The following MAGI3 variants were observed in gnomAD, a reference collection of about 807,000 sequenced individuals.
The protein encoded by MAGI3 is membrane-associated guanylate kinase, WW and PDZ domain-containing protein 3.
MAGI3 carries 43 observed loss-of-function variants against 121.8 expected under a neutral mutation model. That is an observed-to-expected ratio of 0.35 (90% confidence interval 0.28 to 0.46). The LOEUF (loss-of-function observed/expected upper bound fraction) is 0.46, where lower values mean the gene tolerates loss of function less well. Among genes scored for constraint, MAGI3 ranks in the 20% least tolerant of loss-of-function variants. The probability of loss-of-function intolerance (pLI) is 1.00; values close to 1 mark genes in which losing one functional copy is unlikely to be tolerated. For synonymous variants in MAGI3, 553 were observed against 639.3 expected (o/e 0.86, Z 2.04); for missense variants, 1,547 against 1,797.3 (o/e 0.86, Z 2.52).
intron 1 of MAGI3, among the ~76,000 whole-genome samples, chr1:113,546,849 G>A (rs12725741): frequency 2.0e-5 from 3 of 151,582 alleles, no homozygotes; most frequent in Non-Finnish European, 4.4e-5. Flanking sequence ...TTGGGAGGCC[G>A]AGGTGGGCAG....
intron 1 of MAGI3, among the ~76,000 whole-genome samples, chr1:113,487,208 G>A (rs1425941465): frequency 6.6e-6 from 1 of 152,164 alleles, no homozygotes; most frequent in Non-Finnish European, 1.5e-5. Flanking sequence ...ACAAATAAAT[G>A]CATGAAAGTA....
At chr1:113,604,301 G>A (rs1485911241) in intron 6 of MAGI3, among the ~76,000 whole-genome samples, 1 of 152,070 alleles carries the variant, frequency 6.6e-6, no homozygotes, top group Non-Finnish European at 1.5e-5. Context: ...AGGTGCATTG[G>A]CTCATGCCTG....
Position 113,489,171 on chromosome 1 carries a change from C to T in MAGI3, c.317-60344C>T, listed in dbSNP as rs185781177. Among the ~76,000 whole-genome samples, 851 of 147,888 alleles carry T rather than the reference C, an allele frequency of 5.8e-3. 7 individuals carry two copies. The highest frequency in any genetic ancestry group is 8.7e-3 in the Non-Finnish European group (580 of 66,906). On this transcript the variant is annotated intron_variant, in intron 1 of 20. Coordinates refer to ENST00000307546, the MANE Select transcript of MAGI3 (RefSeq NM_001142782.2). Reference sequence around the variant, plus strand: ...CCAGCGGTCTGGGAACACCTTAGGCCCCCCCCGACCCCAGCACAGTGGATT... The same window carrying T: ...CCAGCGGTCTGGGAACACCTTAGGCTCCCCCCGACCCCAGCACAGTGGATT...
chr1:113,445,572 C>A (rs1654139232), intron 1 of MAGI3, among the ~76,000 whole-genome samples: 1 of 152,076 alleles, frequency 6.6e-6, no homozygotes, highest in Non-Finnish European at 1.5e-5. Flanking sequence ...CCACCACACT[C>A]CAGCCTAGGC....
intron 1 of MAGI3, among the ~76,000 whole-genome samples, chr1:113,441,154 T>C (rs1049686411): frequency 1.3e-5 from 2 of 152,174 alleles, no homozygotes; most frequent in African/African-American, 4.8e-5. Context: ...AAGATGATAG[T>C]ATTCTTAAGG....
intron 1 of MAGI3, among the ~76,000 whole-genome samples, chr1:113,484,168 T>A (rs1274962643): frequency 1.3e-5 from 2 of 152,200 alleles, no homozygotes; most frequent in Admixed American, 1.3e-4. Context: ...TATGGGAAAC[T>A]GTGGCAAATT....
At chr1:113,454,492 C>A (rs1036324899) in intron 1 of MAGI3, among the ~76,000 whole-genome samples, 47 of 152,048 alleles carry the variant, frequency 3.1e-4, no homozygotes, top group Non-Finnish European at 5.3e-4. Context: ...CACAGAATTT[C>A]TTTTATTTAT....
At chr1:113,633,384 C>T (rs1467123409) in intron 9 of MAGI3, among the ~76,000 whole-genome samples, 2 of 149,366 alleles carry the variant, frequency 1.3e-5, no homozygotes, top group African/African-American at 4.9e-5. Flanking sequence ...GCCTCAGCCT[C>T]CCAAGTAGCT....
Position 113,413,370 on chromosome 1 carries a change from T to G in MAGI3, c.316+22021T>G, listed in dbSNP as rs1052668179. On this transcript the variant is annotated intron_variant, in intron 1 of 20. Coordinates refer to ENST00000307546, the MANE Select transcript of MAGI3 (RefSeq NM_001142782.2). ...TGTCTTGGCAATGCGGGCTCTTTTTTGGTTCCATATAAACTTTAAAGTAGT... is the reference window on the plus strand; with the variant it reads ...TGTCTTGGCAATGCGGGCTCTTTTTGGGTTCCATATAAACTTTAAAGTAGT... Among the ~76,000 whole-genome samples the G allele has an allele frequency of 2.6e-4, 39 of 152,236 alleles. 1 individual carries two copies. Among genetic ancestry groups the G allele is most frequent in the Non-Finnish European group, 1.0e-4 (7 of 68,044 alleles).
At position 113,683,729 on chromosome 1, in the gene MAGI3, A is replaced by G; in HGVS notation, c.4161A>G (p.Lys1387=). The G allele has an allele frequency of 6.3e-7, 1 of 1,599,148 alleles. No homozygotes were observed. The highest frequency in any genetic ancestry group is 1.1e-5 in the South Asian group (1 of 88,584). Residue 1387 remains lysine (K), a synonymous_variant, in exon 21 of 21, where the codon AAA becomes AAG. Transcript: ENST00000307546. ...TATCTGAAAATGAAAAAGGAAAGAA[A>G]GTAACCACAGGAGAAACAAGTTCTA... ...KEVSENEKGK[K]VTTGETSSSN...
intron 11 of MAGI3, among the ~76,000 whole-genome samples, chr1:113,645,493 A>C (rs920166871): frequency 2.6e-5 from 4 of 152,216 alleles, no homozygotes; most frequent in African/African-American, 9.7e-5. Flanking sequence ...ATGCCACTGC[A>C]GTCGCAGTGG....
intron 1 of MAGI3, among the ~76,000 whole-genome samples, chr1:113,446,178 A>T (rs1034216766): frequency 5.9e-5 from 9 of 152,152 alleles, no homozygotes; most frequent in African/African-American, 2.2e-4. Context: ...TAAAATAATT[A>T]TTAGTTTTTG....
At chr1:113,537,902 A>C (rs954991869) in intron 1 of MAGI3, among the ~76,000 whole-genome samples, 2 of 152,184 alleles carry the variant, frequency 1.3e-5, no homozygotes, top group African/African-American at 4.8e-5. Flanking sequence ...AGAGATTAGA[A>C]ATGGAAATTG....
chr1:113,512,593 T>C (rs1339349088), intron 1 of MAGI3, among the ~76,000 whole-genome samples: 1 of 152,206 alleles, frequency 6.6e-6, no homozygotes, highest in Non-Finnish European at 1.5e-5. Context: ...TGCTGACTGA[T>C]GAGGCAAAAC....
chr1:113,416,411 A>T (rs1347051283), intron 1 of MAGI3, among the ~76,000 whole-genome samples: 71 of 27,734 alleles, frequency 2.6e-3, no homozygotes, highest in Non-Finnish European at 4.3e-3. Flanking sequence ...ATTAATTAAT[A>T]ATTAATAATT....
chr1:113,535,978 C>T (rs1353459967), intron 1 of MAGI3, among the ~76,000 whole-genome samples: 1 of 152,032 alleles, frequency 6.6e-6, no homozygotes, highest in Non-Finnish European at 1.5e-5. Context: ...CCTGGTTTCT[C>T]AAATGAGAAA....
At chr1:113,484,950 T>G (rs1656309846) in intron 1 of MAGI3, among the ~76,000 whole-genome samples, 1 of 151,704 alleles carries the variant, frequency 6.6e-6, no homozygotes, top group South Asian at 2.1e-4. Context: ...GCCAGGGTGG[T>G]CTTGATCTCT....
At chr1:113,647,410 G>C (rs1652912493) in intron 12 of MAGI3, among the ~76,000 whole-genome samples, 1 of 152,142 alleles carries the variant, frequency 6.6e-6, no homozygotes, top group Non-Finnish European at 1.5e-5. Flanking sequence ...TATGAAGGAT[G>C]AATCAGAGGT....
At chr1:113,670,003 CAAAAAA>C (rs11302295) in intron 16 of MAGI3, among the ~76,000 whole-genome samples, 1 of 85,242 alleles carries the variant, frequency 1.2e-5, no homozygotes, top group Non-Finnish European at 2.3e-5. Flanking sequence ...TCCAGGTCTC[CAAAAAA>C]AAAAAAAAAA....
Sources: gnomAD v4.1 joint callset for allele counts (sites outside exome capture counted in the v4.1 genomes callset) on GRCh38, gnomAD v4.1.1 for gene constraint, MANE v1.5 for transcripts, NCBI Gene and HGNC (gene_info 2026-07-23, HGNC 2026-07-21) for gene names.